FAM199X: variants seen among roughly 807,000 people sequenced by gnomAD.
FAM199X encodes protein FAM199X.
Under a neutral mutation model 22.9 loss-of-function variants are expected in FAM199X, and 4 were observed. The ratio of observed to expected loss-of-function variants is 0.17; its 90% CI spans 0.09 to 0.40. The LOEUF (loss-of-function observed/expected upper bound fraction) is 0.40, where lower values mean the gene tolerates loss of function less well. Ranked by LOEUF, FAM199X falls within the 10% of genes least tolerant of loss-of-function variation. The pLI, the probability that FAM199X is intolerant of heterozygous loss-of-function variation, is 1.00. For synonymous variants in FAM199X, 101 were observed against 112.3 expected (o/e 0.90, Z 0.64); for missense variants, 183 against 306.8 (o/e 0.60, Z 3.01).
At chrX:104,162,713 G>T (rs1921070137), upstream of FAM199X, among the ~76,000 whole-genome samples, 1 of 111,932 alleles carries the variant, frequency 8.9e-6, no homozygotes, top group Non-Finnish European at 1.9e-5. Flanking sequence ...GGAACGTCTG[G>T]ACATCCACGT....
intron 1 of FAM199X, among the ~76,000 whole-genome samples, chrX:104,168,374 G>A (rs188873248): frequency 8.9e-6 from 1 of 112,459 alleles, no homozygotes; most frequent in African/African-American, 3.2e-5. Flanking sequence ...AATTGATCCA[G>A]TGTTACAAAT....
intron 1 of FAM199X, among the ~76,000 whole-genome samples, chrX:104,170,929 G>A (rs1556375267): frequency 9.0e-6 from 1 of 111,699 alleles, no homozygotes; most frequent in Admixed American, 9.5e-5. Context: ...CAGAAGTCAG[G>A]TTGGCTATAT....
At chrX:104,186,728 C>A in intron 4 of FAM199X, 107 bp downstream of exon 4, 1 of 707,032 alleles carries the variant, frequency 1.4e-6, no homozygotes, top group Non-Finnish European at 2.0e-6. Flanking sequence ...AGGCCAAAAT[C>A]ACTGCTGCGA....
intron 1 of FAM199X, 147 bp downstream of exon 1, chrX:104,167,129 C>T (rs1921224878): frequency 1.1e-5 from 5 of 473,551 alleles, no homozygotes; most frequent in Non-Finnish European, 1.6e-5. Context: ...TCCCTGCCCC[C>T]CCTCCCTATT....
At chrX:104,159,356 AG>A in the FAM199X span, among the ~76,000 whole-genome samples, 3 of 112,324 alleles carry the variant, frequency 2.7e-5, no homozygotes, top group African/African-American at 9.7e-5. Flanking sequence ...TAACCAACCC[AG>A]TTCTTTCCTT....
intron 2 of FAM199X, 43 bp downstream of exon 2, chrX:104,175,885 T>G (rs1556376342): frequency 1.0e-6 from 1 of 968,717 alleles, no homozygotes; most frequent in Non-Finnish European, 1.4e-6. Flanking sequence ...ACTACCGAAG[T>G]AGAAGTATAA....
chrX:104,186,085 C>G lies in FAM199X; in HGVS notation c.437C>G (p.Ala146Gly), dbSNP rs1556379037. Reference protein sequence around the residue: ...FEWQLPGSDIASGSDVLSDVI... With the variant: ...FEWQLPGSDIGSGSDVLSDVI... Reference sequence around the variant, plus strand: ...ATAAAGTTACCAGGCAGTGACATTGCCAGTGGGAGTGATGTACTTTCTGAT... The same window carrying G: ...ATAAAGTTACCAGGCAGTGACATTGGCAGTGGGAGTGATGTACTTTCTGAT... The change falls in exon 3 of 6, where the codon GCC becomes GGC. Residue 146 changes from alanine (A) to glycine (G), a missense_variant. Around this residue, in one of 2 missense-constraint regions of FAM199X, gnomAD observed 128 missense variants for 246.2 expected, o/e 0.52. Transcript: ENST00000493442. 1 of 1,207,525 alleles carries G rather than the reference C, an allele frequency of 8.3e-7. No homozygotes were observed. Among genetic ancestry groups the G allele is most frequent in the East Asian group, 3.0e-5 (1 of 33,784 alleles).
chrX:104,169,614 C>T (rs1317523336), intron 1 of FAM199X, among the ~76,000 whole-genome samples: 1 of 111,667 alleles, frequency 9.0e-6, no homozygotes, highest in African/African-American at 3.3e-5. Context: ...GTCATCCAGG[C>T]TAGAGTGCAG....
At chrX:104,167,419 G>T (rs782332840) in intron 1 of FAM199X, among the ~76,000 whole-genome samples, 5 of 109,790 alleles carry the variant, frequency 4.6e-5, no homozygotes, top group African/African-American at 6.6e-5. Flanking sequence ...GAAAAGTGGC[G>T]TTGAAAGGTG....
chrX:104,177,768 A>T (rs79139414), intron 2 of FAM199X, among the ~76,000 whole-genome samples: 1,797 of 111,942 alleles, frequency 0.016, 12 homozygotes, highest in South Asian at 0.038. Flanking sequence ...TGCTGCTTTT[A>T]AAATTGTGTT....
chrX:104,178,145 CT>C (rs1556376917), intron 2 of FAM199X, among the ~76,000 whole-genome samples: 1 of 110,241 alleles, frequency 9.1e-6, no homozygotes, highest in Non-Finnish European at 1.9e-5. Context: ...TTCATTCTTT[CT>C]TTTTTTTGTT....
rs1921812372 is a variant in FAM199X at position 104,186,638 on chromosome X, C to T, written c.729+17C>T. On this transcript the variant is annotated intron_variant, in intron 4 of 5. Transcript: ENST00000493442. ...CTGAAGCAGGTATGTAAAGAAAATA[C>T]AGATTATTTACCTATTAAAAATACC... 8.6e-7 allele frequency: 1 copy of T among 1,159,483 alleles called. No individual in the cohort carries two copies.
chrX:104,167,008 G>C lies in FAM199X; in HGVS notation c.197+26G>C, dbSNP rs781940154. On this transcript the variant is annotated intron_variant, in intron 1 of 5. Coordinates refer to ENST00000493442, the MANE Select transcript of FAM199X (RefSeq NM_207318.4). The stretch of plus-strand genomic sequence containing the variant: ...GTACGAACTGCACCTGAGGGCAGGG[G>C]TGGATTTTCCACTTCTGGTCGCCCC... The C allele has an allele frequency of 5.5e-6, 6 of 1,094,251 alleles. No individual in the cohort carries two copies. In the African/African-American group the frequency reaches 1.2e-4, roughly 21 times the overall value. 90.2% of individuals were successfully genotyped at this position (1,094,251 alleles called of 1,213,427 possible).
In FAM199X at chrX:104,194,589, T is replaced by C. The variant is rs782597717; in HGVS notation, c.*4811T>C. ...GAGCAGATAATGTCTGTTCCTGTAG[T>C]GGATCCATTTAATTTCCTATTTGAG... is the stretch of plus-strand genomic sequence containing the variant. On this transcript the variant is annotated 3_prime_UTR_variant, in exon 6 of 6. Transcript: ENST00000493442. 2.7e-5 allele frequency: 3 copies of C among 112,034 alleles called. No homozygotes were observed. In the East Asian group the frequency reaches 8.4e-4, roughly 31 times the overall value. 9.2% of individuals were successfully genotyped at this position (112,034 alleles called of 1,213,427 possible).
rs1355788113 is a variant in FAM199X at position 104,190,750 on chromosome X, T to A, written c.*972T>A. ...ATATTTGGTATAACAGCTTCTGGCA[T>A]GTGACCTAGTTAATGTTGAAAATTA... On this transcript the variant is annotated 3_prime_UTR_variant, in exon 6 of 6. Transcript: ENST00000493442. 1 of 111,461 alleles carries A rather than the reference T, an allele frequency of 9.0e-6. No homozygotes were observed. Among genetic ancestry groups the A allele is most frequent in the Non-Finnish European group, 1.9e-5 (1 of 53,032 alleles). The allele number at this position is 111,461 out of a possible 1,213,427, so 9.2% of individuals were successfully genotyped here.
chrX:104,188,380 A>G (rs1237103660), intron 5 of FAM199X, 74 bp downstream of exon 5: 11 of 1,119,788 alleles, frequency 9.8e-6, no homozygotes, highest in Non-Finnish European at 1.3e-5. Context: ...AATTTCTTGA[A>G]GAGTTAAAAT....
rs782299666 is a variant in FAM199X at position 104,166,925 on chromosome X, G to A, written c.140G>A (p.Gly47Asp). ...EPGCLDISDFGCQLSSCHRTD... is the reference protein window; with the variant it reads ...EPGCLDISDFDCQLSSCHRTD... The stretch of plus-strand genomic sequence containing the variant: ...GGCTGCCTGGACATCAGCGACTTCG[G>A]CTGCCAGCTGTCCTCCTGCCATCGC... The change falls in exon 1 of 6, where the codon GGC (glycine) becomes GAC (aspartate). Residue 47 changes from glycine to aspartate, a missense_variant. Transcript: ENST00000493442. 1 of 1,195,899 alleles carries A rather than the reference G, an allele frequency of 8.4e-7. No individual in the cohort carries two copies. Among genetic ancestry groups the A allele is most frequent in the Non-Finnish European group, 1.1e-6 (1 of 887,223 alleles).
At chrX:104,186,312 G>T (rs1272278822) in intron 3 of FAM199X, 97 bp downstream of exon 3, 7 of 1,092,517 alleles carry the variant, frequency 6.4e-6, no homozygotes, top group African/African-American at 3.7e-5. Flanking sequence ...AATGTGGATT[G>T]CTTAGTAAAT....
Position 104,188,711 on chromosome X carries a change from A to G in FAM199X, c.996+405A>G, listed in dbSNP as rs141886864. ...TGTTAAATGTTTTCTTAATGTTTTA[A>G]TCTTAAATGTTTCTTCTTAGCTAAT... On this transcript the variant is annotated intron_variant, in intron 5 of 5. Coordinates refer to ENST00000493442, the MANE Select transcript of FAM199X (RefSeq NM_207318.4). Among the ~76,000 whole-genome samples, 3 of 112,062 alleles carry G rather than the reference A, an allele frequency of 2.7e-5. No individual in the cohort carries two copies. In the East Asian group the frequency reaches 8.3e-4, roughly 31 times the overall value.
Sources: allele counts gnomAD v4.1 joint callset (sites outside exome capture counted in the v4.1 genomes callset), GRCh38; gene constraint gnomAD v4.1.1; regional missense constraint gnomAD v4.1.1; transcripts MANE v1.5; gene names NCBI Gene and HGNC (gene_info 2026-07-23, HGNC 2026-07-21).